STAT4: variants seen among roughly 807,000 people sequenced by gnomAD.
The protein encoded by STAT4 is signal transducer and activator of transcription 4.
A neutral mutation model predicts 110.5 loss-of-function variants in STAT4; 42 were observed. The ratio of observed to expected loss-of-function variants is 0.38; its 90% CI spans 0.30 to 0.49. STAT4 has a LOEUF of 0.49. Ranked by LOEUF, STAT4 falls within the 20% of genes least tolerant of loss-of-function variation. The probability of loss-of-function intolerance (pLI) is 0.95; values close to 1 mark genes in which losing one functional copy is unlikely to be tolerated. For missense variants in STAT4, 632 were observed against 887.9 expected (o/e 0.71, Z 3.66); for synonymous variants, 284 against 302.2 (o/e 0.94, Z 0.63).
intron 3 of STAT4, among the ~76,000 whole-genome samples, chr2:191,081,240 A>C (rs1697466579): frequency 6.6e-6 from 1 of 152,190 alleles, no homozygotes; most frequent in Non-Finnish European, 1.5e-5. Context: ...CGAGTCTATC[A>C]TTGATGAGCA....
chr2:191,103,949 TA>T (rs1459260711), intron 3 of STAT4, among the ~76,000 whole-genome samples: 1 of 152,174 alleles, frequency 6.6e-6, no homozygotes, highest in Non-Finnish European at 1.5e-5. Flanking sequence ...CCCTGGTCTT[TA>T]AAAATAGATG....
At position 191,036,307 on chromosome 2, in the gene STAT4, A is replaced by G; in HGVS notation, c.1435-8T>C. On this transcript the variant is annotated splice_polypyrimidine_tract_variant and splice_region_variant and intron_variant, in intron 16 of 23. Coordinates refer to ENST00000392320, the MANE Select transcript of STAT4 (RefSeq NM_003151.4). The stretch of plus-strand genomic sequence containing the variant: ...ATTAAAGAAAACCAAGTTCTGAAAT[A>G]GAGTCAAGATGATAATTTGTTAATT... 6.2e-7 allele frequency: 1 copy of G among 1,613,652 alleles called. No homozygotes were observed. The highest frequency in any genetic ancestry group is 8.5e-7 in the Non-Finnish European group (1 of 1,179,950).
Position 191,102,863 on chromosome 2 carries a change from G to A in STAT4, c.274-26538C>T, listed in dbSNP as rs150616881. ...GTCCATCAATTATCTGTGTGTTGGC[G>A]CTTCTGTGTCTCATTTCCATATACT... On this transcript the variant is annotated intron_variant, in intron 3 of 23. Transcript: ENST00000392320. Among the ~76,000 whole-genome samples the A allele has an allele frequency of 5.3e-4, 80 of 152,132 alleles. No homozygotes were observed. In the East Asian group the frequency reaches 0.013, roughly 24 times the overall value.
chr2:191,041,610 G>C (rs1353118062), intron 14 of STAT4: 1 of 152,120 alleles, frequency 6.6e-6, no homozygotes, highest in East Asian at 1.9e-4. Flanking sequence ...ATTTTCCTCT[G>C]TTCCCTCCAG....
intron 5 of STAT4, among the ~76,000 whole-genome samples, chr2:191,071,016 A>T (rs945360713): frequency 1.8e-4 from 28 of 152,176 alleles, no homozygotes; most frequent in African/African-American, 6.8e-4. Context: ...TCTCTTAATG[A>T]CATTCTCCAT....
chr2:191,045,045 A>C (rs1196466278), intron 14 of STAT4, among the ~76,000 whole-genome samples: 1 of 152,242 alleles, frequency 6.6e-6, no homozygotes, highest in African/African-American at 2.4e-5. Flanking sequence ...GATATTGTGA[A>C]GATGGGGCAG....
rs746977224 is a variant in STAT4, at chr2:191,053,306, G to A, written c.1251+1184C>T. Among the ~76,000 whole-genome samples the A allele has an allele frequency of 3.1e-4, 47 of 152,130 alleles. No homozygotes were observed. Among genetic ancestry groups the A allele is most frequent in the Admixed American group, 6.5e-4 (10 of 15,268 alleles). ...TTACACCTGCAGCACCTCTGAGCAC[G>A]GGCTGTTGAGCATGACTATCCTGCT... is the stretch of plus-strand genomic sequence containing the variant. On this transcript the variant is annotated intron_variant, in intron 14 of 23. Transcript: ENST00000392320. The surrounding 1 kb of genome is among the most constrained non-coding windows in gnomAD (Gnocchi z 4.5).
At chr2:191,048,613 CA>C (rs199894325) in intron 14 of STAT4, among the ~76,000 whole-genome samples, 19,843 of 135,204 alleles carry the variant, frequency 0.15, 1,733 homozygotes, top group East Asian at 0.38. Context: ...CCGTCTCTAC[CA>C]AAAAAAAAAA....
chr2:191,089,448 G>T (rs1199243732), intron 3 of STAT4, among the ~76,000 whole-genome samples: 1 of 152,172 alleles, frequency 6.6e-6, no homozygotes, highest in Non-Finnish European at 1.5e-5. Context: ...ACTTTCATTT[G>T]TTGCTCGTGG....
At chr2:191,106,457 C>T (rs1241109489) in intron 3 of STAT4, among the ~76,000 whole-genome samples, 3 of 151,572 alleles carry the variant, frequency 2.0e-5, no homozygotes, top group Admixed American at 6.6e-5. Context: ...GTCAGGAGTT[C>T]GAGTCTGGCC....
In STAT4 at chr2:191,037,033, C is replaced by G. The variant is rs1273792731; in HGVS notation, c.1435-734G>C. ...GAAGCATCGCTTGACATCTCTTTAA[C>G]TTTTCCGTATCAGTCTACTCATGCA... On this transcript the variant is annotated intron_variant, in intron 16 of 23. Coordinates refer to ENST00000392320, the MANE Select transcript of STAT4 (RefSeq NM_003151.4). The surrounding 1 kb of genome is among the most constrained non-coding windows in gnomAD (Gnocchi z 4.8). 6.6e-6 allele frequency among the ~76,000 whole-genome samples: 1 copy of G among 152,198 alleles called. No individual in the cohort carries two copies. The highest frequency in any genetic ancestry group is 1.9e-4 in the East Asian group (1 of 5,190).
intron 7 of STAT4, among the ~76,000 whole-genome samples, 198 bp from the exon 8 acceptor site, chr2:191,065,156 A>C (rs1696954508): frequency 6.6e-6 from 1 of 152,240 alleles, no homozygotes. Flanking sequence ...TGAGAAAAGA[A>C]GAATGGCCAC....
chr2:191,085,268 T>C (rs1041395469), intron 3 of STAT4, among the ~76,000 whole-genome samples: 13 of 152,018 alleles, frequency 8.6e-5, no homozygotes, highest in African/African-American at 2.9e-4. Flanking sequence ...CCTTTCATAT[T>C]TGACAATTCA....
chr2:191,116,994 A>G lies in STAT4; in HGVS notation c.273+29619T>C, dbSNP rs1361384001. Among the ~76,000 whole-genome samples the G allele has an allele frequency of 6.6e-6, 1 of 152,212 alleles. No individual in the cohort carries two copies. Among genetic ancestry groups the G allele is most frequent in the Non-Finnish European group, 1.5e-5 (1 of 68,034 alleles). ...ATCTCCATGTGATTCTTTTTGCATT[A>G]CTTTGAGCAGAGTCTCAATCTTGGC... On this transcript the variant is annotated intron_variant, in intron 3 of 23. Coordinates refer to ENST00000392320, the MANE Select transcript of STAT4 (RefSeq NM_003151.4). This position sits in a 1 kb window ranked among gnomAD's most constrained non-coding sequence, Gnocchi z 4.1.
At chr2:191,134,114 A>C (rs1323873851) in intron 3 of STAT4, among the ~76,000 whole-genome samples, 2 of 152,288 alleles carry the variant, frequency 1.3e-5, no homozygotes, top group East Asian at 3.9e-4. Context: ...ATCCTTCCAA[A>C]GTCTAAGGTT....
intron 3 of STAT4, among the ~76,000 whole-genome samples, chr2:191,079,141 GTGTT>G (rs1697395551): frequency 6.6e-6 from 1 of 151,728 alleles, no homozygotes; most frequent in South Asian, 2.1e-4. Context: ...TAATCTTTTT[GTGTT>G]TTTTACTACA....
Position 191,073,150 on chromosome 2 carries a change from T to A in STAT4, c.413A>T (p.Glu138Val). 6.2e-7 allele frequency: 1 copy of A among 1,613,968 alleles called. No individual in the cohort carries two copies. Among genetic ancestry groups the A allele is most frequent in the South Asian group, 1.1e-5 (1 of 91,076 alleles). ...TTTGTGCTCCACATTCCTCTGTCTT[T>A]CTGAAACTGAAGAACTTTGTAAGGA... ...EKSLQSSSVS[E>V]RQRNVEHKVA... The change falls in exon 5 of 24, where the codon GAA becomes GTA. Residue 138 changes from glutamate (E) to valine (V), a missense_variant. Glu to Val is a moderately radical substitution (Grantham distance 121, BLOSUM62 -2). Coordinates refer to ENST00000392320, the MANE Select transcript of STAT4 (RefSeq NM_003151.4).
Position 191,042,362 on chromosome 2 carries a change from A to C in STAT4, c.1252-1214T>G, listed in dbSNP as rs974135780. ...AAATAAAAGAATAAAAAAACAGTGA[A>C]AAAAGTCTACTGTATTCAGCTCAGT... On this transcript the variant is annotated intron_variant, in intron 14 of 23. Coordinates refer to ENST00000392320, the MANE Select transcript of STAT4 (RefSeq NM_003151.4). This position sits in a 1 kb window ranked among gnomAD's most constrained non-coding sequence, Gnocchi z 4.2. 6.6e-6 allele frequency among the ~76,000 whole-genome samples: 1 copy of C among 152,316 alleles called. No homozygotes were observed. The highest frequency in any genetic ancestry group is 2.4e-5 in the African/African-American group (1 of 41,584).
At chr2:191,055,911 G>A (rs1451864436) in intron 13 of STAT4, among the ~76,000 whole-genome samples, 1 of 152,052 alleles carries the variant, frequency 6.6e-6, no homozygotes, top group African/African-American at 2.4e-5. Flanking sequence ...ACTAAACATG[G>A]CCCCTTGTTG....
Sources: allele counts gnomAD v4.1 joint callset (sites outside exome capture counted in the v4.1 genomes callset), GRCh38; gene constraint gnomAD v4.1.1; non-coding constraint Gnocchi (gnomAD v3.1); transcripts MANE v1.5; gene names NCBI Gene and HGNC (gene_info 2026-07-23, HGNC 2026-07-21).